Variants in GATB observed in about 807,000 individuals in gnomAD.
The protein encoded by GATB is glutamyl-tRNA amidotransferase subunit B.
GATB carries 39 observed loss-of-function variants against 62.3 expected under a neutral mutation model. The observed-to-expected ratio is 0.63, with a 90% CI of 0.48 to 0.82. The LOEUF (loss-of-function observed/expected upper bound fraction) is 0.82. Ranked by LOEUF, GATB falls within the 40% of genes least tolerant of loss-of-function variation. The probability of loss-of-function intolerance (pLI) is 0.00; values close to 1 mark genes in which losing one functional copy is unlikely to be tolerated. For synonymous variants in GATB, 276 were observed against 258.9 expected (o/e 1.07, Z -0.63); for missense variants, 670 against 684.0 (o/e 0.98, Z 0.23).
chr4:151,733,177 A>C (rs1262065849), intron 2 of GATB, among the ~76,000 whole-genome samples: 3 of 152,210 alleles, frequency 2.0e-5, no homozygotes, highest in Non-Finnish European at 4.4e-5. Flanking sequence ...AATGAAACCA[A>C]AAACTGGTTC....
intron 8 of GATB, among the ~76,000 whole-genome samples, chr4:151,701,893 A>G (rs1408924209): frequency 6.6e-6 from 1 of 152,172 alleles, no homozygotes; most frequent in Non-Finnish European, 1.5e-5. Context: ...TCGTCATGGG[A>G]CCATCACAGA....
At chr4:151,695,930 A>ATT (rs57028979) in intron 9 of GATB, among the ~76,000 whole-genome samples, 94 of 122,838 alleles carry the variant, frequency 7.7e-4, no homozygotes, top group East Asian at 9.2e-4. Context: ...GCTAATTTAA[A>ATT]TTTTTTTTTT....
intron 9 of GATB, among the ~76,000 whole-genome samples, chr4:151,691,077 G>C (rs1311523552): frequency 1.3e-5 from 2 of 152,224 alleles, no homozygotes; most frequent in Non-Finnish European, 2.9e-5. Context: ...GAATCTCAGA[G>C]TCTCTGGTGA....
intron 10 of GATB, among the ~76,000 whole-genome samples, chr4:151,685,671 G>A (rs4696107): frequency 0.42 from 63,265 of 151,678 alleles, 13,623 homozygotes; most frequent in South Asian, 0.57. Flanking sequence ...TCTTCAGCAC[G>A]GCTCCTGCCT....
At chr4:151,749,694 C>T (rs1280146892) in intron 2 of GATB, among the ~76,000 whole-genome samples, 1 of 152,028 alleles carries the variant, frequency 6.6e-6, no homozygotes, top group Non-Finnish European at 1.5e-5. Flanking sequence ...GGTGTTTCCT[C>T]AACCTTTGAC....
chr4:151,676,336 T>C (rs759942317), intron 11 of GATB: 2 of 152,234 alleles, frequency 1.3e-5, no homozygotes, highest in African/African-American at 4.8e-5. Flanking sequence ...ACTTGTGTGT[T>C]AAACGCGATT....
Position 151,760,942 on chromosome 4 carries a change from C to A in GATB, c.41G>T (p.Arg14Leu), listed in dbSNP as rs1230284025. The A allele has an allele frequency of 6.2e-7, 1 of 1,613,430 alleles. No individual in the cohort carries two copies. Among genetic ancestry groups the A allele is most frequent in the Admixed American group, 1.7e-5 (1 of 59,964 alleles). Residue 14 changes from arginine to leucine, a missense_variant, in exon 1 of 13, where the codon CGT becomes CTT. Transcript: ENST00000263985. ...ACCGTCAACCCGGGCGAAAGCCCAA[C>A]GTCTTCCACGGCAGCCCCAGCGCAG... is the stretch of plus-strand genomic sequence containing the variant. ...PMLRWGCRGR[R>L]WAFARVDGGS...
rs1424825531 is a variant in GATB, at chr4:151,670,526, A to AGAC, written c.*645_*647dup. 64 of 152,302 alleles carry AGAC rather than the reference A, an allele frequency of 4.2e-4. No individual in the cohort carries two copies. Among genetic ancestry groups the AGAC allele is most frequent in the African/African-American group, 1.3e-3 (56 of 41,564 alleles). The allele number at this position is 152,302 out of a possible 1,614,324, so 9.4% of individuals were successfully genotyped here. ...TTATTTTTTTAATTCATTTATTCTC[A>AGAC]GACTGTGCCTTCTGGGATGGGGAGG... On this transcript the variant is annotated 3_prime_UTR_variant, in exon 13 of 13. Coordinates refer to ENST00000263985, the MANE Select transcript of GATB (RefSeq NM_004564.3).
intron 2 of GATB, among the ~76,000 whole-genome samples, chr4:151,756,084 G>A (rs992967076): frequency 1.3e-5 from 2 of 152,218 alleles, no homozygotes; most frequent in Admixed American, 1.3e-4. Flanking sequence ...ACACAGCCAT[G>A]TGAGAAGGCA....
rs1203195610 is a variant in GATB at position 151,731,914 on chromosome 4, T to TG, written c.328-12377dup. Among the ~76,000 whole-genome samples, 4 of 139,644 alleles carry TG rather than the reference T, an allele frequency of 2.9e-5. No individual in the cohort carries two copies. In the South Asian group the frequency reaches 7.4e-4, roughly 26 times the overall value. The allele number at this position is 139,644 out of a possible 152,430, so 91.6% of individuals were successfully genotyped here. A position where few individuals can be genotyped will look rare whatever the true frequency, so the allele number is the denominator to read the frequency against. Reference sequence around the variant, plus strand: ...GCAGCCGCCCCATCCGGGAGGGAGGTGGGGGTCAGCCCCCGCCGGGCCAGC... The same window carrying TG: ...GCAGCCGCCCCATCCGGGAGGGAGGTGGGGGGTCAGCCCCCGCCGGGCCAGC... On this transcript the variant is annotated intron_variant, in intron 2 of 12. Coordinates refer to ENST00000263985, the MANE Select transcript of GATB (RefSeq NM_004564.3).
chr4:151,706,555 C>T (rs1320328005), intron 6 of GATB, among the ~76,000 whole-genome samples: 4 of 152,164 alleles, frequency 2.6e-5, no homozygotes, highest in Non-Finnish European at 5.9e-5. Flanking sequence ...TTTCCGGATG[C>T]AGAACAGTTC....
intron 6 of GATB, among the ~76,000 whole-genome samples, chr4:151,707,247 G>A (rs1035711451): frequency 6.6e-6 from 1 of 152,202 alleles, no homozygotes; most frequent in African/African-American, 2.4e-5. Context: ...CTCTGATAAA[G>A]AGGTGGAGTC....
intron 9 of GATB, among the ~76,000 whole-genome samples, chr4:151,698,067 G>A (rs1738524578): frequency 6.7e-6 from 1 of 149,318 alleles, no homozygotes; most frequent in Non-Finnish European, 1.5e-5. Context: ...GGTGGGGCAA[G>A]ATACCCCATG....
At chr4:151,760,464 C>A (rs1739930474) in intron 1 of GATB, among the ~76,000 whole-genome samples, 1 of 152,162 alleles carries the variant, frequency 6.6e-6, no homozygotes, top group Non-Finnish European at 1.5e-5. Context: ...ATAAAATCAG[C>A]TAAATATGAT....
intron 9 of GATB, among the ~76,000 whole-genome samples, chr4:151,700,856 T>C (rs1379946691): frequency 6.6e-6 from 1 of 152,224 alleles, no homozygotes; most frequent in Non-Finnish European, 1.5e-5. Context: ...TCAGAGTTTT[T>C]AGTGTTTCAT....
chr4:151,670,941 C>A lies in GATB; in HGVS notation c.*233G>T. On this transcript the variant is annotated 3_prime_UTR_variant, in exon 13 of 13. Transcript: ENST00000263985. ...AACCACTGCTGCAGCCTCACCGGAC[C>A]CTCCTGATGTGGATGAAGCAGGCGG... The A allele has an allele frequency of 2.0e-6, 1 of 490,176 alleles. No homozygotes were observed. The highest frequency in any genetic ancestry group is 3.6e-6 in the Non-Finnish European group (1 of 275,056). The allele number at this position is 490,176 out of a possible 1,614,324, so 30.4% of individuals were successfully genotyped here.
At chr4:151,685,517 C>G (rs1385730984) in intron 10 of GATB, among the ~76,000 whole-genome samples, 1 of 152,172 alleles carries the variant, frequency 6.6e-6, no homozygotes, top group Non-Finnish European at 1.5e-5. Flanking sequence ...ACCCTCTGCT[C>G]CTGCCAGCTA....
intron 3 of GATB, among the ~76,000 whole-genome samples, chr4:151,717,750 G>A (rs776251859): frequency 6.6e-6 from 1 of 152,164 alleles, no homozygotes; most frequent in Non-Finnish European, 1.5e-5. Context: ...ACTTGCAAAC[G>A]CACAGAGGCA....
intron 9 of GATB, among the ~76,000 whole-genome samples, chr4:151,691,053 A>G (rs988280672): frequency 5.3e-5 from 8 of 152,240 alleles, no homozygotes; most frequent in African/African-American, 1.9e-4. Flanking sequence ...GGCAAATGCT[A>G]ATAAGCTTGG....
Sources: allele counts gnomAD v4.1 joint callset (sites outside exome capture counted in the v4.1 genomes callset), GRCh38; gene constraint gnomAD v4.1.1; transcripts MANE v1.5; gene names NCBI Gene and HGNC (gene_info 2026-07-23, HGNC 2026-07-21).